The following IMMT variants were observed in gnomAD, a reference collection of about 807,000 sequenced individuals.
The protein encoded by IMMT is MICOS complex subunit MIC60.
In IMMT, 40 loss-of-function variants were observed where a neutral mutation model predicts 92.7. The ratio of observed to expected loss-of-function variants is 0.43; its 90% CI spans 0.34 to 0.56. IMMT has a LOEUF of 0.56. IMMT is among the 20% of genes least tolerant of loss of function. IMMT has a pLI of 0.03. For missense variants in IMMT, 831 were observed against 912.1 expected (o/e 0.91, Z 1.14); for synonymous variants, 322 against 336.1 (o/e 0.96, Z 0.46).
intron 3 of IMMT, among the ~76,000 whole-genome samples, chr2:86,174,404 T>A (rs1440546522): frequency 6.6e-6 from 1 of 152,210 alleles, no homozygotes; most frequent in Non-Finnish European, 1.5e-5. Flanking sequence ...GACTCAGATA[T>A]CCCTAACATG....
At position 86,194,107 on chromosome 2, in the gene IMMT, CAA is replaced by C. The variant is rs1673364567; in HGVS notation, c.45+1229_45+1230del. On this transcript the variant is annotated intron_variant, in intron 1 of 14. Transcript: ENST00000410111. ...TGTAGAAGCTGGGAGCAGTGGCTGG[CAA>C]GAGGCAGCAAGAAAAGAAGTACTTC... Among the ~76,000 whole-genome samples the C allele has an allele frequency of 5.3e-5, 8 of 152,320 alleles. No individual in the cohort carries two copies. The South Asian group carries it at 1.7e-3, about 32-fold the overall frequency.
intron 1 of IMMT, among the ~76,000 whole-genome samples, chr2:86,184,495 T>C (rs1331786073): frequency 1.3e-5 from 2 of 152,090 alleles, no homozygotes; most frequent in Non-Finnish European, 2.9e-5. Flanking sequence ...TTATTGTTAA[T>C]ATAATAATTA....
In IMMT at chr2:86,161,381, A is replaced by C. The variant is rs934333321; in HGVS notation, c.896+595T>G. 4.2e-4 allele frequency among the ~76,000 whole-genome samples: 63 copies of C among 150,614 alleles called. 2 individuals carry two copies. Among genetic ancestry groups the C allele is most frequent in the Admixed American group, 4.1e-3 (61 of 15,050 alleles). On this transcript the variant is annotated intron_variant, in intron 8 of 14. Coordinates refer to ENST00000410111, the MANE Select transcript of IMMT (RefSeq NM_006839.3). ...CTCACCATGTTGGCCAGGATGGCTC[A>C]AACTCTTGGTCTCAAGTGATCTGCC...
chr2:86,170,935 C>T (rs1249912360), intron 5 of IMMT, 91 bp from the exon 6 acceptor site: 45 of 966,864 alleles, frequency 4.7e-5, no homozygotes, highest in Non-Finnish European at 6.7e-5. Context: ...TTTGTACTGG[C>T]CAGTTATATC....
chr2:86,185,182 A>AC, intron 1 of IMMT, among the ~76,000 whole-genome samples: 1 of 152,136 alleles, frequency 6.6e-6, no homozygotes, highest in South Asian at 2.1e-4. Context: ...AAAAAAAAAA[A>AC]CAAAAGAGTT....
intron 12 of IMMT, among the ~76,000 whole-genome samples, chr2:86,149,497 T>C (rs1403983143): frequency 2.6e-5 from 4 of 152,048 alleles, no homozygotes; most frequent in Admixed American, 6.6e-5. Flanking sequence ...CCTGCGTAAA[T>C]AGACACAGAA....
chr2:86,159,601 G>C lies in IMMT; in HGVS notation c.967C>G (p.His323Asp). Residue 323 changes from histidine (H) to aspartate (D), a missense_variant, in exon 9 of 15, where the codon CAT becomes GAT. By Grantham distance (81) the His-to-Asp change is moderately conservative. Transcript: ENST00000410111. The stretch of plus-strand genomic sequence containing the variant: ...AGTTTACCCTCTGCAGCAGTTATAT[G>C]AGGCTTGGCCCCAGCAACCTCTTTT... ...KKKEVAGAKP[H>D]ITAAEGKLHN... The C allele has an allele frequency of 6.2e-7, 1 of 1,602,686 alleles. No homozygotes were observed. Among genetic ancestry groups the C allele is most frequent in the Non-Finnish European group, 8.5e-7 (1 of 1,175,814 alleles).
chr2:86,178,837 A>G (rs563182024), intron 3 of IMMT, among the ~76,000 whole-genome samples: 1 of 152,026 alleles, frequency 6.6e-6, no homozygotes, highest in Admixed American at 6.5e-5. Flanking sequence ...TGAGGCGGGC[A>G]GATCACCTGA....
At chr2:86,177,809 C>G (rs1476316757) in intron 3 of IMMT, among the ~76,000 whole-genome samples, 2 of 152,084 alleles carry the variant, frequency 1.3e-5, no homozygotes, top group Non-Finnish European at 2.9e-5. Flanking sequence ...TTATAGTGTT[C>G]TAAGTAAGAG....
At chr2:86,145,005 C>G (rs1674886941) in intron 14 of IMMT, 124 bp from the exon 15 acceptor site, 4 of 1,107,816 alleles carry the variant, frequency 3.6e-6, no homozygotes, top group Non-Finnish European at 5.0e-6. Flanking sequence ...GAGAGACTTT[C>G]TTACAACCCC....
chr2:86,168,796 G>A (rs952764123), intron 6 of IMMT, among the ~76,000 whole-genome samples: 2 of 152,138 alleles, frequency 1.3e-5, no homozygotes, highest in Non-Finnish European at 2.9e-5. Context: ...AAACTAATAA[G>A]GAGAAAATAA....
intron 3 of IMMT, among the ~76,000 whole-genome samples, chr2:86,178,548 C>A (rs1333969569): frequency 6.6e-6 from 1 of 151,622 alleles, no homozygotes; most frequent in Non-Finnish European, 1.5e-5. Flanking sequence ...ATCGCTTGAA[C>A]CCAGGAGGCG....
At chr2:86,153,091 G>GT (rs1488272942) in intron 11 of IMMT, among the ~76,000 whole-genome samples, 2 of 152,132 alleles carry the variant, frequency 1.3e-5, no homozygotes, top group Non-Finnish European at 2.9e-5. Context: ...GTATGGTGAT[G>GT]TTTTTGAAAC....
Position 86,195,319 on chromosome 2 carries a change from C to T in IMMT, c.45+19G>A. 2.0e-6 allele frequency: 3 copies of T among 1,535,972 alleles called. No individual in the cohort carries two copies. The highest frequency in any genetic ancestry group is 2.6e-6 in the Non-Finnish European group (3 of 1,139,352). On this transcript the variant is annotated intron_variant, in intron 1 of 14. Transcript: ENST00000410111. ...CTAGTTCAGCCTCCTCACGCGCCTC[C>T]GGGAGCCCCAGTGCTCACCTGGGCG...
chr2:86,165,057 T>G (rs1432465705), intron 7 of IMMT, among the ~76,000 whole-genome samples: 1 of 152,228 alleles, frequency 6.6e-6, no homozygotes, highest in Non-Finnish European at 1.5e-5. Context: ...TTTTGTACAT[T>G]AGCTAATACT....
chr2:86,175,434 T>C (rs1220246333), intron 3 of IMMT, among the ~76,000 whole-genome samples: 2 of 152,160 alleles, frequency 1.3e-5, no homozygotes, highest in African/African-American at 4.8e-5. Flanking sequence ...TGTAATTTGG[T>C]ACTATCTTAA....
At chr2:86,186,274 G>C (rs1672762631) in intron 1 of IMMT, among the ~76,000 whole-genome samples, 1 of 152,158 alleles carries the variant, frequency 6.6e-6, no homozygotes, top group African/African-American at 2.4e-5. Context: ...TTGTGAGTGG[G>C]AGGGATGTGC....
At chr2:86,157,795 A>G (rs888400455) in intron 10 of IMMT, among the ~76,000 whole-genome samples, 1 of 124,838 alleles carries the variant, frequency 8.0e-6, no homozygotes, top group Non-Finnish European at 1.9e-5. Context: ...TCTCAAAAAA[A>G]AAAAAAAAGA....
In IMMT at chr2:86,181,316, AG is replaced by A; in HGVS notation, c.101del (p.Ser34LeufsTer8). ...LRPLRPCRRY[S>X]TSGSSGLTTG... The stretch of plus-strand genomic sequence containing the variant: ...ATACATACCCAGAGCTGCCTGAAGT[AG>A]AGTATCTGCGGCATGGTCGCAATGG... On this transcript the variant is annotated frameshift_variant, in exon 2 of 15. Transcript: ENST00000410111. LOFTEE classifies it high-confidence loss of function. The A allele has an allele frequency of 6.2e-7, 1 of 1,613,716 alleles. No homozygotes were observed. The highest frequency in any genetic ancestry group is 8.5e-7 in the Non-Finnish European group (1 of 1,179,596).
Sources: gnomAD v4.1 joint callset for allele counts (sites outside exome capture counted in the v4.1 genomes callset) on GRCh38, gnomAD v4.1.1 for gene constraint, MANE v1.5 for transcripts, NCBI Gene and HGNC (gene_info 2026-07-23, HGNC 2026-07-21) for gene names.